SASS6: variants seen among roughly 807,000 people sequenced by gnomAD.
SASS6 encodes SAS-6 centriolar assembly protein.
SASS6 carries 59 observed loss-of-function variants against 94.9 expected under a neutral mutation model. The observed-to-expected ratio is 0.62, with a 90% CI of 0.50 to 0.77. The LOEUF is 0.77. Among genes scored for constraint, SASS6 ranks in the 30% least tolerant of loss-of-function variants. The pLI is 0.00. For missense variants in SASS6, 698 were observed against 734.1 expected (o/e 0.95, Z 0.57); for synonymous variants, 264 against 270.0 (o/e 0.98, Z 0.22).
chr1:100,105,665 T>C (rs1046064833), intron 13 of SASS6, 102 bp downstream of exon 13: 2 of 1,102,522 alleles, frequency 1.8e-6, no homozygotes, highest in East Asian at 2.5e-5. Context: ...CCACTTTGTA[T>C]TGGTATCAGC....
At chr1:100,113,282 A>T (rs909320742) in intron 7 of SASS6, among the ~76,000 whole-genome samples, 2 of 152,048 alleles carry the variant, frequency 1.3e-5, no homozygotes, top group African/African-American at 4.8e-5. Context: ...TCGAACAACA[A>T]CGTCAAGAAG....
intron 1 of SASS6, among the ~76,000 whole-genome samples, chr1:100,130,670 CAG>C: frequency 7.7e-6 from 1 of 129,878 alleles, no homozygotes; most frequent in African/African-American, 2.9e-5. Context: ...GTCTGGGCAA[CAG>C]AGCGAGACTC....
chr1:100,120,816 C>T (rs1001871612), intron 5 of SASS6, among the ~76,000 whole-genome samples: 12 of 151,920 alleles, frequency 7.9e-5, no homozygotes, highest in African/African-American at 2.4e-4. Flanking sequence ...TTTGGGAGGC[C>T]GAGGCGGGCG....
Position 100,132,747 on chromosome 1 carries a change from T to C in SASS6, c.65+3A>G, listed in dbSNP as rs558764256. The C allele has an allele frequency of 8.7e-6, 14 of 1,613,080 alleles. No individual in the cohort carries two copies. The Admixed American group carries it at 1.8e-4, about 21-fold the overall frequency. On this transcript the variant is annotated splice_donor_region_variant and intron_variant, in intron 1 of 16. Coordinates refer to ENST00000287482, the MANE Select transcript of SASS6 (RefSeq NM_194292.3). ...CGCGGGCACTGGATGACGCGGACCTTACCTCTCCTCACAGTCTTTGCATTT... is the reference window on the plus strand; with the variant it reads ...CGCGGGCACTGGATGACGCGGACCTCACCTCTCCTCACAGTCTTTGCATTT...
chr1:100,105,090 GT>G (rs916109613), intron 13 of SASS6, among the ~76,000 whole-genome samples: 4 of 151,962 alleles, frequency 2.6e-5, no homozygotes, highest in South Asian at 2.1e-4. Flanking sequence ...ATAGAATTCA[GT>G]TTAGGCTTAA....
At chr1:100,089,711 C>A (rs958950926) in intron 14 of SASS6, among the ~76,000 whole-genome samples, 4 of 151,936 alleles carry the variant, frequency 2.6e-5, no homozygotes, top group Non-Finnish European at 5.9e-5. Flanking sequence ...TCCTCACAGA[C>A]CTGCATTGTA....
intron 14 of SASS6, among the ~76,000 whole-genome samples, chr1:100,091,172 G>A (rs1007818073): frequency 2.0e-5 from 3 of 152,088 alleles, no homozygotes; most frequent in African/African-American, 7.2e-5. Flanking sequence ...GGGGGTGGTG[G>A]TGCACATCTG....
rs377757596 is a variant in SASS6 at position 100,132,837 on chromosome 1, T to C, written c.-23A>G. 2.9e-5 allele frequency: 47 copies of C among 1,611,782 alleles called. No individual in the cohort carries two copies. In the African/African-American group the frequency reaches 3.6e-4, roughly 12 times the overall value. Reference sequence around the variant, plus strand: ...CATGTTGGCTCGCTGCCTCGGCTGGTGTGCAGAAAAGCCCAACAGGCCCGG... The same window carrying C: ...CATGTTGGCTCGCTGCCTCGGCTGGCGTGCAGAAAAGCCCAACAGGCCCGG... On this transcript the variant is annotated 5_prime_UTR_variant, in exon 1 of 17. Transcript: ENST00000287482.
At chr1:100,130,509 C>A (rs552945709) in intron 1 of SASS6, among the ~76,000 whole-genome samples, 5 of 151,894 alleles carry the variant, frequency 3.3e-5, no homozygotes, top group African/African-American at 1.2e-4. Context: ...AGGGAGACCC[C>A]GTCTCTTTTA....
intron 16 of SASS6, 50 bp from the exon 17 acceptor site, chr1:100,085,484 C>T (rs1651176690): frequency 1.3e-6 from 2 of 1,559,936 alleles, no homozygotes; most frequent in Non-Finnish European, 1.8e-6. Flanking sequence ...AGTCTTCATA[C>T]ATTAAATTTA....
At chr1:100,103,138 T>C in intron 13 of SASS6, 55 bp from the exon 14 acceptor site, 1 of 1,197,676 alleles carries the variant, frequency 8.3e-7, no homozygotes, top group Non-Finnish European at 1.2e-6. Context: ...CTAAATAGTA[T>C]TTGTTGATCA....
intron 15 of SASS6, among the ~76,000 whole-genome samples, chr1:100,086,843 G>T (rs970507837): frequency 2.0e-5 from 3 of 151,928 alleles, no homozygotes; most frequent in Admixed American, 6.6e-5. Context: ...ACTATGCCTG[G>T]CCTATGATGA....
chr1:100,098,202 G>A (rs539610426), intron 14 of SASS6, among the ~76,000 whole-genome samples: 15 of 151,926 alleles, frequency 9.9e-5, no homozygotes, highest in East Asian at 7.7e-4. Context: ...GCAAACTAGC[G>A]TCCAGAATAT....
At chr1:100,122,166 T>C (rs1206150879) in intron 4 of SASS6, among the ~76,000 whole-genome samples, 2 of 152,222 alleles carry the variant, frequency 1.3e-5, no homozygotes, top group Non-Finnish European at 2.9e-5. Flanking sequence ...TTCGGATGAC[T>C]TTAGTGCCTT....
chr1:100,116,644 A>C (rs949910571), intron 7 of SASS6, among the ~76,000 whole-genome samples: 1 of 152,238 alleles, frequency 6.6e-6, no homozygotes, highest in Non-Finnish European at 1.5e-5. Flanking sequence ...ATGCCTACCA[A>C]TAGGAAAATA....
At chr1:100,123,175 TCACTAAA>T in intron 3 of SASS6, 28 bp downstream of exon 3, 1 of 863,932 alleles carries the variant, frequency 1.2e-6, no homozygotes, top group Admixed American at 2.2e-5. Flanking sequence ...ACTTATTTTT[TCACTAAA>T]TATAAGATCA....
chr1:100,124,202 T>C (rs576333227), intron 2 of SASS6, among the ~76,000 whole-genome samples: 5 of 152,310 alleles, frequency 3.3e-5, no homozygotes, highest in Admixed American at 3.3e-4. Flanking sequence ...ATCTCTACTC[T>C]GGAAAATTAG....
intron 14 of SASS6, among the ~76,000 whole-genome samples, chr1:100,101,434 A>G (rs1652494146): frequency 6.6e-6 from 1 of 152,010 alleles, no homozygotes; most frequent in African/African-American, 2.4e-5. Flanking sequence ...GAACATAATT[A>G]TTATAATGAT....
At chr1:100,128,668 T>C (rs1654797466) in intron 1 of SASS6, among the ~76,000 whole-genome samples, 1 of 152,224 alleles carries the variant, frequency 6.6e-6, no homozygotes, top group African/African-American at 2.4e-5. Flanking sequence ...ATGGTTAATG[T>C]CATAAGAGCA....
Sources: allele counts gnomAD v4.1 joint callset (sites outside exome capture counted in the v4.1 genomes callset), GRCh38; gene constraint gnomAD v4.1.1; transcripts MANE v1.5; gene names NCBI Gene and HGNC (gene_info 2026-07-23, HGNC 2026-07-21).